Variants in PCDHA11 observed in about 807,000 individuals in gnomAD.
The protein encoded by PCDHA11 is protocadherin alpha-11.
PCDHA11 carries 61 observed loss-of-function variants against 70.3 expected under a neutral mutation model. The ratio of observed to expected loss-of-function variants is 0.87; its 90% CI spans 0.71 to 1.07. The LOEUF (loss-of-function observed/expected upper bound fraction) is 1.07. PCDHA11 is among the 50% of genes least tolerant of loss of function. PCDHA11 has a pLI of 0.00. For missense variants in PCDHA11, 1,324 were observed against 1,237.5 expected (o/e 1.07, Z -1.05); for synonymous variants, 633 against 555.1 (o/e 1.14, Z -1.97).
At chr5:140,953,546 T>G (rs2094902084) in intron 1 of PCDHA11, among the ~76,000 whole-genome samples, 1 of 152,136 alleles carries the variant, frequency 6.6e-6, no homozygotes, top group African/African-American at 2.4e-5. Context: ...ATGCTGATTC[T>G]TTTCTCCAAG....
chr5:140,982,663 A>G (rs2096995052), intron 3 of PCDHA11, 100 bp downstream of exon 3: 5 of 1,473,648 alleles, frequency 3.4e-6, no homozygotes, highest in Admixed American at 2.6e-5. Context: ...TTTTTCTTTT[A>G]TATTTTTGTT....
chr5:141,010,455 T>G lies in PCDHA11; in HGVS notation c.*518T>G. The stretch of plus-strand genomic sequence containing the variant: ...AACAAAGACAAATAAACAGCGGAAG[T>G]TATCAGTATGGAGGGGAAGTGTAAA... On this transcript the variant is annotated 3_prime_UTR_variant, in exon 4 of 4. Transcript: ENST00000398640. 1 of 883,470 alleles carries G rather than the reference T, an allele frequency of 1.1e-6. No homozygotes were observed. Among genetic ancestry groups the G allele is most frequent in the South Asian group, 1.9e-5 (1 of 53,228 alleles). 54.7% of individuals were successfully genotyped at this position (883,470 alleles called of 1,614,324 possible). A position where few individuals can be genotyped will look rare whatever the true frequency, so the allele number is the denominator to read the frequency against.
At chr5:140,978,486 G>T (rs1289847782) in intron 1 of PCDHA11, among the ~76,000 whole-genome samples, 1 of 152,248 alleles carries the variant, frequency 6.6e-6, no homozygotes, top group Admixed American at 6.5e-5. Flanking sequence ...AGTCTGCAAA[G>T]CCAGCAGCAG....
At chr5:140,972,096 A>G (rs2096519185) in intron 1 of PCDHA11, among the ~76,000 whole-genome samples, 1 of 152,168 alleles carries the variant, frequency 6.6e-6, no homozygotes. Context: ...AATTTCTGGC[A>G]TAGAAGCAGG....
intron 1 of PCDHA11, among the ~76,000 whole-genome samples, chr5:140,944,520 T>G (rs1554216391): frequency 6.6e-6 from 1 of 152,140 alleles, no homozygotes; most frequent in Non-Finnish European, 1.5e-5. Flanking sequence ...TATTTTGTGC[T>G]TTAAATGATT....
intron 1 of PCDHA11, chr5:140,883,655 T>C (rs782178754): frequency 6.2e-7 from 1 of 1,613,114 alleles, no homozygotes; most frequent in Non-Finnish European, 8.5e-7. Context: ...GTACACGGTG[T>C]TCGTGAAGGA....
At chr5:140,903,873 A>G (rs1173905704) in intron 1 of PCDHA11, among the ~76,000 whole-genome samples, 2 of 152,204 alleles carry the variant, frequency 1.3e-5, no homozygotes, top group Non-Finnish European at 2.9e-5. Context: ...GTAAAATGAC[A>G]AAGACATTGA....
At chr5:140,927,753 C>T (rs1435866827) in intron 1 of PCDHA11, 3 of 1,614,078 alleles carry the variant, frequency 1.9e-6, no homozygotes, top group Non-Finnish European at 2.5e-6. Flanking sequence ...TTCACGTGCA[C>T]CCTAAAAGTG....
chr5:140,928,461 C>T, intron 1 of PCDHA11: 2 of 1,614,108 alleles, frequency 1.2e-6, no homozygotes, highest in Non-Finnish European at 1.7e-6. Context: ...GGTTTCATTT[C>T]CAAGTAGAAG....
intron 1 of PCDHA11, among the ~76,000 whole-genome samples, chr5:140,878,613 C>T (rs1413546987): frequency 1.3e-5 from 2 of 152,184 alleles, no homozygotes; most frequent in Admixed American, 6.5e-5. Context: ...TTCTAATGTG[C>T]ATTTTACATA....
rs145253621 is a variant in PCDHA11, at chr5:140,991,776, T to A, written c.2539+9213T>A. 4.1e-3 allele frequency among the ~76,000 whole-genome samples: 632 copies of A among 152,312 alleles called. 6 individuals carry two copies. Among genetic ancestry groups the A allele is most frequent in the South Asian group, 0.036 (174 of 4,822 alleles). ...CATGCTCTTCAAAATTCTTCTAGACTCTGCCCATTTCCCAATCTCAAGGCC... is the reference window on the plus strand; with the variant it reads ...CATGCTCTTCAAAATTCTTCTAGACACTGCCCATTTCCCAATCTCAAGGCC... On this transcript the variant is annotated intron_variant, in intron 3 of 3. Coordinates refer to ENST00000398640, the MANE Select transcript of PCDHA11 (RefSeq NM_018902.5).
At chr5:140,876,697 C>T in intron 1 of PCDHA11, 2 of 1,614,226 alleles carry the variant, frequency 1.2e-6, no homozygotes, top group Middle Eastern at 1.6e-4. Context: ...CTCGTTGGTG[C>T]TGGACAGCGC....
intron 3 of PCDHA11, among the ~76,000 whole-genome samples, chr5:141,001,096 A>T (rs919555319): frequency 1.3e-5 from 2 of 152,130 alleles, no homozygotes; most frequent in Admixed American, 1.3e-4. Flanking sequence ...AAACTGTCTA[A>T]TCCATAATAA....
chr5:140,902,201 T>C (rs1554190261), intron 1 of PCDHA11, among the ~76,000 whole-genome samples: 1 of 145,052 alleles, frequency 6.9e-6, no homozygotes. Flanking sequence ...CTCTCTCTCT[T>C]TCTTTTTTTT....
intron 2 of PCDHA11, among the ~76,000 whole-genome samples, chr5:140,981,825 T>G (rs941645731): frequency 2.0e-5 from 3 of 152,184 alleles, no homozygotes; most frequent in African/African-American, 7.2e-5. Context: ...TCTGCTTGCC[T>G]CTAAAGGTCT....
chr5:140,884,305 G>C, intron 1 of PCDHA11: 1 of 1,613,720 alleles, frequency 6.2e-7, no homozygotes, highest in African/African-American at 1.3e-5. Flanking sequence ...CACAGGCTTC[G>C]TCGAGGGCGT....
chr5:140,997,668 T>TGTGTG (rs2097778571), intron 3 of PCDHA11, among the ~76,000 whole-genome samples: 1 of 148,244 alleles, frequency 6.7e-6, no homozygotes, highest in African/African-American at 2.5e-5. Flanking sequence ...ATTATACAGC[T>TGTGTG]TGTGTGTGTG....
At chr5:140,913,789 T>C (rs2076466373) in intron 1 of PCDHA11, among the ~76,000 whole-genome samples, 1 of 152,176 alleles carries the variant, frequency 6.6e-6, no homozygotes, top group African/African-American at 2.4e-5. Context: ...CCATTATCAT[T>C]TGTTTGAATC....
chr5:140,912,378 T>C (rs1554195314), intron 1 of PCDHA11, among the ~76,000 whole-genome samples: 1 of 152,002 alleles, frequency 6.6e-6, no homozygotes, highest in African/African-American at 2.4e-5. Context: ...GTAAAAGGGA[T>C]TGAGTTCTTA....
Sources: allele counts gnomAD v4.1 joint callset (sites outside exome capture counted in the v4.1 genomes callset), GRCh38; gene constraint gnomAD v4.1.1; transcripts MANE v1.5; gene names NCBI Gene and HGNC (gene_info 2026-07-23, HGNC 2026-07-21).